The following SLC25A13 variants were observed in gnomAD, a reference collection of about 807,000 sequenced individuals.
The protein encoded by SLC25A13 is solute carrier family 25 member 13.
Under a neutral mutation model 85.5 loss-of-function variants are expected in SLC25A13, and 70 were observed. The ratio of observed to expected loss-of-function variants is 0.82; its 90% CI spans 0.68 to 1.00. SLC25A13 has a LOEUF of 1.00. Among genes scored for constraint, SLC25A13 ranks in the 50% least tolerant of loss-of-function variants. SLC25A13 has a pLI of 0.00. For missense variants in SLC25A13, 765 were observed against 819.8 expected, an observed-to-expected ratio of 0.93 and a Z score of 0.82; for synonymous variants, 259 against 288.7, an observed-to-expected ratio of 0.90 and a Z score of 1.04.
Position 96,184,323 on chromosome 7 carries a change from A to G in SLC25A13, c.1131T>C (p.Cys377=). Residue 377 remains cysteine, a synonymous_variant, in exon 11 of 18, where the codon TGT becomes TGC. Coordinates refer to ENST00000265631, the MANE Select transcript of SLC25A13 (RefSeq NM_014251.3). ...GELMYKNSFD[C]FKKVLRYEGF... ...CTTCATAGCGTAGCACTTTCTTAAA[A>G]CAGTCAAAGCTGTTTTTATACATGA... is the stretch of plus-strand genomic sequence containing the variant. 1.2e-6 allele frequency: 2 copies of G among 1,614,180 alleles called. No individual in the cohort carries two copies. The highest frequency in any genetic ancestry group is 1.7e-6 in the Non-Finnish European group (2 of 1,180,032).
intron 2 of SLC25A13, among the ~76,000 whole-genome samples, chr7:96,282,811 C>A (rs958619882): frequency 6.6e-6 from 1 of 151,992 alleles, no homozygotes; most frequent in African/African-American, 2.4e-5. Flanking sequence ...AAAATTGTCA[C>A]AATAAAGTTA....
intron 4 of SLC25A13, among the ~76,000 whole-genome samples, chr7:96,211,283 T>C (rs954331470): frequency 1.3e-5 from 2 of 152,160 alleles, no homozygotes; most frequent in African/African-American, 4.8e-5. Context: ...TGTGCCTCTA[T>C]GAAATGCCTG....
chr7:96,190,914 A>G (rs1211729003), intron 7 of SLC25A13, among the ~76,000 whole-genome samples, 195 bp downstream of exon 7: 1 of 152,184 alleles, frequency 6.6e-6, no homozygotes, highest in Non-Finnish European at 1.5e-5. Flanking sequence ...AGCTGGGCCC[A>G]GTTTGTTTAA....
intron 13 of SLC25A13, among the ~76,000 whole-genome samples, chr7:96,155,284 AG>A (rs1405330834): frequency 2.0e-5 from 3 of 152,206 alleles, no homozygotes; most frequent in African/African-American, 7.2e-5. Context: ...CAGTTGTGTA[AG>A]GATTTTTTTT....
chr7:96,281,193 C>T lies in SLC25A13; in HGVS notation c.70-3855G>A, dbSNP rs1295739725. ...ATCACCTAAGGTCAGGCGCTTGAGA[C>T]CAGCCTGGCCAACATGGTGAAACCC... is the stretch of plus-strand genomic sequence containing the variant. On this transcript the variant is annotated intron_variant, in intron 2 of 17. Coordinates refer to ENST00000265631, the MANE Select transcript of SLC25A13 (RefSeq NM_014251.3). Among the ~76,000 whole-genome samples the T allele has an allele frequency of 2.6e-5, 4 of 152,082 alleles. No individual in the cohort carries two copies. The South Asian group carries it at 6.2e-4, about 24-fold the overall frequency.
chr7:96,242,986 C>T (rs567950561), intron 3 of SLC25A13, among the ~76,000 whole-genome samples: 25 of 151,730 alleles, frequency 1.6e-4, no homozygotes, highest in Middle Eastern at 3.4e-3. Context: ...TTTTTTGAGA[C>T]GGAGTCTCAC....
At chr7:96,255,559 T>G (rs911675969) in intron 3 of SLC25A13, among the ~76,000 whole-genome samples, 6 of 152,142 alleles carry the variant, frequency 3.9e-5, no homozygotes, top group African/African-American at 1.4e-4. Context: ...TGGTGGTGTG[T>G]GCTTGTGGTC....
chr7:96,197,968 C>T (rs544057717), intron 5 of SLC25A13, among the ~76,000 whole-genome samples: 1 of 152,270 alleles, frequency 6.6e-6, no homozygotes, highest in Admixed American at 6.5e-5. Flanking sequence ...ACCTATAGAA[C>T]TATTCAGCAG....
At chr7:96,255,189 C>T (rs186007942) in intron 3 of SLC25A13, among the ~76,000 whole-genome samples, 9 of 152,260 alleles carry the variant, frequency 5.9e-5, no homozygotes, top group African/African-American at 2.2e-4. Flanking sequence ...TAATTGTTGG[C>T]AGCAATAAAG....
At chr7:96,268,719 C>G (rs531533588) in intron 3 of SLC25A13, among the ~76,000 whole-genome samples, 33 of 152,302 alleles carry the variant, frequency 2.2e-4, no homozygotes, top group Non-Finnish European at 4.1e-4. Context: ...CTCCAGCACT[C>G]TCAAGATAAA....
intron 5 of SLC25A13, among the ~76,000 whole-genome samples, chr7:96,202,740 C>T (rs1303279426): frequency 1.3e-5 from 2 of 152,160 alleles, no homozygotes; most frequent in Non-Finnish European, 2.9e-5. Flanking sequence ...AGCCAATACA[C>T]CAACACACGT....
intron 4 of SLC25A13, among the ~76,000 whole-genome samples, chr7:96,223,762 G>T (rs10267613): frequency 0.99 from 146,251 of 148,394 alleles, 72,106 homozygotes; most frequent in East Asian, 1. Flanking sequence ...CACTCCAGCC[G>T]GGGCAACAGA....
At chr7:96,145,647 C>T (rs1437860912) in intron 14 of SLC25A13, among the ~76,000 whole-genome samples, 2 of 152,076 alleles carry the variant, frequency 1.3e-5, no homozygotes, top group Non-Finnish European at 2.9e-5. Flanking sequence ...GTCAAAAATG[C>T]TTCAAATTAC....
chr7:96,187,822 C>T (rs1032042105), intron 9 of SLC25A13, among the ~76,000 whole-genome samples: 6 of 152,192 alleles, frequency 3.9e-5, no homozygotes, highest in East Asian at 1.9e-4. Flanking sequence ...CACAGGTGGA[C>T]GACCTCCCTT....
At chr7:96,138,808 G>A (rs115686614) in intron 14 of SLC25A13, among the ~76,000 whole-genome samples, 2,230 of 152,242 alleles carry the variant, frequency 0.015, 57 homozygotes, top group African/African-American at 0.051. Context: ...ATCATTTGCT[G>A]TTACTTTAAG....
At position 96,277,409 on chromosome 7, in the gene SLC25A13, T is replaced by A. The variant is rs562215782; in HGVS notation, c.70-71A>T. ...ACAGTATATAATCATGAGAGTGATA[T>A]GTGAAAAAGTTGAAAATATCCAAAC... On this transcript the variant is annotated intron_variant, in intron 2 of 17. Transcript: ENST00000265631. The A allele has an allele frequency of 2.8e-6, 4 of 1,431,894 alleles. No homozygotes were observed. The African/African-American group carries it at 4.3e-5, about 15-fold the overall frequency. The allele number at this position is 1,431,894 out of a possible 1,614,324, so 88.7% of individuals were successfully genotyped here. A position where few individuals can be genotyped will look rare whatever the true frequency, so the allele number is the denominator to read the frequency against.
intron 3 of SLC25A13, among the ~76,000 whole-genome samples, chr7:96,275,193 G>A (rs138802367): frequency 6.6e-6 from 1 of 152,080 alleles, no homozygotes; most frequent in Admixed American, 6.6e-5. Context: ...GCAGTGGTTT[G>A]TAGTTCAGTT....
At chr7:96,242,912 G>A (rs907928171) in intron 3 of SLC25A13, among the ~76,000 whole-genome samples, 4 of 152,112 alleles carry the variant, frequency 2.6e-5, no homozygotes, top group Non-Finnish European at 4.4e-5. Flanking sequence ...TGTGTCACAG[G>A]CCATGGTCAC....
At chr7:96,163,608 G>C (rs1328835344) in intron 13 of SLC25A13, among the ~76,000 whole-genome samples, 3 of 152,212 alleles carry the variant, frequency 2.0e-5, no homozygotes, top group African/African-American at 7.2e-5. Flanking sequence ...GAGAAACACT[G>C]AGATCATTCC....
Sources: allele counts gnomAD v4.1 joint callset (sites outside exome capture counted in the v4.1 genomes callset), GRCh38; gene constraint gnomAD v4.1.1; transcripts MANE v1.5; gene names NCBI Gene and HGNC (gene_info 2026-07-23, HGNC 2026-07-21).